Variants in FTO observed in about 807,000 individuals in gnomAD.
FTO encodes alpha-ketoglutarate-dependent dioxygenase FTO.
A neutral mutation model predicts 63.9 loss-of-function variants in FTO; 47 were observed. That is an observed-to-expected ratio of 0.74 (90% CI 0.58 to 0.94). The LOEUF (loss-of-function observed/expected upper bound fraction) is 0.94, where lower values mean the gene tolerates loss of function less well. FTO is among the 40% of genes least tolerant of loss of function. The pLI is 0.00. For missense variants in FTO, 562 were observed against 618.1 expected (o/e 0.91, Z 0.96); for synonymous variants, 207 against 224.4 (o/e 0.92, Z 0.69).
chr16:53,911,225 T>G (rs1328531754), intron 7 of FTO: 8 of 597,522 alleles, frequency 1.3e-5, no homozygotes, highest in Admixed American at 5.3e-5. Flanking sequence ...AGACAGTGGC[T>G]GAGCGATTGG....
intron 1 of FTO, among the ~76,000 whole-genome samples, chr16:53,789,463 A>G (rs1301433762): frequency 6.6e-6 from 1 of 152,192 alleles, no homozygotes; most frequent in Non-Finnish European, 1.5e-5. Flanking sequence ...CTTTGAAGCT[A>G]GAGAATACTC....
intron 4 of FTO, among the ~76,000 whole-genome samples, chr16:53,865,032 C>T (rs892552680): frequency 9.9e-5 from 15 of 152,080 alleles, no homozygotes; most frequent in African/African-American, 3.4e-4. Context: ...CAGTGTTCCC[C>T]TCAGTGGAAC....
intron 5 of FTO, among the ~76,000 whole-genome samples, chr16:53,877,428 G>A (rs1598887491): frequency 6.6e-6 from 1 of 152,250 alleles, no homozygotes; most frequent in South Asian, 2.1e-4. Flanking sequence ...CGAAATGGAA[G>A]CAACCAGTCA....
intron 1 of FTO, among the ~76,000 whole-genome samples, chr16:53,789,783 T>C (rs887133560): frequency 9.5e-5 from 14 of 148,134 alleles, no homozygotes; most frequent in Admixed American, 2.7e-4. Context: ...CACACACACA[T>C]ATATGTATGT....
chr16:53,972,317 C>T (rs945122282), intron 8 of FTO, among the ~76,000 whole-genome samples: 5 of 151,936 alleles, frequency 3.3e-5, no homozygotes, highest in South Asian at 2.1e-4. Flanking sequence ...ATTTTCAATA[C>T]GTGTGTTGAA....
chr16:53,971,799 C>T lies in FTO; in HGVS notation c.1364+37690C>T, dbSNP rs180811813. Among the ~76,000 whole-genome samples the T allele has an allele frequency of 1.0e-2, 1,520 of 152,266 alleles. 10 individuals are homozygous for T. The highest frequency in any genetic ancestry group is 0.014 in the Non-Finnish European group (957 of 68,030). Reference sequence around the variant, plus strand: ...GGGCTCTTTTGTGTCTGGTGAACCACAAGCTCAGGGCTGTATCTGCCAATA... The same window carrying T: ...GGGCTCTTTTGTGTCTGGTGAACCATAAGCTCAGGGCTGTATCTGCCAATA... On this transcript the variant is annotated intron_variant, in intron 8 of 8. Transcript: ENST00000471389.
chr16:53,986,221 G>A (rs188024004), intron 8 of FTO, among the ~76,000 whole-genome samples: 124 of 152,178 alleles, frequency 8.1e-4, no homozygotes, highest in African/African-American at 2.7e-3. Flanking sequence ...ACCACCAAAC[G>A]CCTGAAATTC....
intron 5 of FTO, among the ~76,000 whole-genome samples, chr16:53,878,148 AT>A (rs901572852): frequency 2.0e-5 from 3 of 151,576 alleles, no homozygotes; most frequent in Non-Finnish European, 4.4e-5. Context: ...AAATACAAAA[AT>A]TAGCTGGGCG....
In FTO at chr16:53,757,999, A is replaced by T. The variant is rs939537401; in HGVS notation, c.46-52141A>T. 2.0e-5 allele frequency among the ~76,000 whole-genome samples: 3 copies of T among 152,206 alleles called. No individual in the cohort carries two copies. In the East Asian group the frequency reaches 5.8e-4, roughly 29 times the overall value. The stretch of plus-strand genomic sequence containing the variant: ...GAGTATTCAGCCTTTCTTTAGGATA[A>T]CAAAAAATAAAATTAATCAAAGGCA... On this transcript the variant is annotated intron_variant, in intron 1 of 8. Coordinates refer to ENST00000471389, the MANE Select transcript of FTO (RefSeq NM_001080432.3).
At chr16:54,022,975 A>T (rs1286079279) in intron 8 of FTO, among the ~76,000 whole-genome samples, 1 of 152,258 alleles carries the variant, frequency 6.6e-6, no homozygotes, top group Non-Finnish European at 1.5e-5. Flanking sequence ...ACGTGGAGAG[A>T]AATGCTAATG....
chr16:53,731,625 T>G (rs755885779), intron 1 of FTO, among the ~76,000 whole-genome samples: 23 of 152,144 alleles, frequency 1.5e-4, no homozygotes, highest in Non-Finnish European at 3.1e-4. Flanking sequence ...TGGAGTGCGG[T>G]GGCATATCGG....
At chr16:53,846,626 C>A (rs115740603) in intron 4 of FTO, among the ~76,000 whole-genome samples, 2,388 of 150,718 alleles carry the variant, frequency 0.016, 51 homozygotes, top group African/African-American at 0.049. Context: ...CTTGATGAAA[C>A]CCCCCGTCTC....
intron 4 of FTO, among the ~76,000 whole-genome samples, chr16:53,871,634 C>T (rs1487957301): frequency 1.3e-5 from 2 of 151,878 alleles, no homozygotes; most frequent in Admixed American, 1.3e-4. Flanking sequence ...TATTGCACAT[C>T]GTATTTGTTG....
At chr16:53,724,194 A>T (rs1197420016) in intron 1 of FTO, among the ~76,000 whole-genome samples, 1 of 152,226 alleles carries the variant, frequency 6.6e-6, no homozygotes, top group African/African-American at 2.4e-5. Context: ...GACAAGGAGT[A>T]TTGGGGAGTT....
intron 1 of FTO, among the ~76,000 whole-genome samples, chr16:53,707,380 C>T (rs528455063): frequency 2.5e-4 from 38 of 152,284 alleles, no homozygotes; most frequent in African/African-American, 8.2e-4. Flanking sequence ...GATTAGGACC[C>T]GTCCTAAATC....
At chr16:53,840,953 T>C (rs991448710) in intron 3 of FTO, among the ~76,000 whole-genome samples, 2 of 151,618 alleles carry the variant, frequency 1.3e-5, no homozygotes, top group East Asian at 3.9e-4. Context: ...TAAGGAAATA[T>C]GGTTGAGGTC....
intron 8 of FTO, among the ~76,000 whole-genome samples, chr16:54,098,671 A>G (rs2086567245): frequency 6.6e-6 from 1 of 152,218 alleles, no homozygotes; most frequent in Admixed American, 6.5e-5. Context: ...TCCTTTGTAG[A>G]AAAACAGGCT....
intron 7 of FTO, among the ~76,000 whole-genome samples, chr16:53,890,843 G>A (rs1297330089): frequency 1.3e-5 from 2 of 152,152 alleles, no homozygotes; most frequent in African/African-American, 4.8e-5. Context: ...TCCCCCTACT[G>A]TGTAATTCTG....
At chr16:53,848,269 G>A (rs2079690891) in intron 4 of FTO, among the ~76,000 whole-genome samples, 1 of 152,158 alleles carries the variant, frequency 6.6e-6, no homozygotes, top group Non-Finnish European at 1.5e-5. Flanking sequence ...GAACTTCATA[G>A]CACTTATGAA....
Sources: gnomAD v4.1 joint callset for allele counts (sites outside exome capture counted in the v4.1 genomes callset) on GRCh38, gnomAD v4.1.1 for gene constraint, MANE v1.5 for transcripts, NCBI Gene and HGNC (gene_info 2026-07-23, HGNC 2026-07-21) for gene names.